DCAF6: variants seen among roughly 807,000 people sequenced by gnomAD.
DCAF6 encodes the protein DDB1 and CUL4 associated factor 6, also known as DDB1- and CUL4-associated factor 6.
Under a neutral mutation model 125.1 loss-of-function variants are expected in DCAF6, and 54 were observed. That is an observed-to-expected ratio of 0.43 (90% CI 0.35 to 0.54). The LOEUF is 0.54. DCAF6 is among the 20% of genes least tolerant of loss of function. The pLI is 0.01. For synonymous variants in DCAF6, 371 were observed against 390.4 expected (o/e 0.95, Z 0.58); for missense variants, 934 against 1,161.7 (o/e 0.80, Z 2.85).
Position 167,943,514 on chromosome 1 carries a change from T to C in DCAF6, c.97+6506T>C, listed in dbSNP as rs113677573. ...AATGCTATTTTAGATGATATTTTTA[T>C]TTATTTTTACTTTTTATTTGTACAA... On this transcript the variant is annotated intron_variant, in intron 1 of 21. Coordinates refer to ENST00000367840, the MANE Select transcript of DCAF6 (RefSeq NM_001198956.2). Among the ~76,000 whole-genome samples the C allele has an allele frequency of 5.7e-3, 868 of 152,348 alleles. 6 individuals are homozygous for C. Among genetic ancestry groups the C allele is most frequent in the African/African-American group, 0.02 (822 of 41,582 alleles).
intron 10 of DCAF6, among the ~76,000 whole-genome samples, chr1:168,008,218 C>T (rs566583858): frequency 6.6e-6 from 1 of 152,166 alleles, no homozygotes; most frequent in African/African-American, 2.4e-5. Context: ...GTCCATCCGC[C>T]TCGGCCTCCC....
intron 10 of DCAF6, among the ~76,000 whole-genome samples, chr1:168,007,511 A>G (rs1198125631): frequency 6.6e-6 from 1 of 151,652 alleles, no homozygotes; most frequent in East Asian, 1.9e-4. Flanking sequence ...TTTTCCTCTG[A>G]AACTTTTAAT....
chr1:168,056,607 A>C (rs1445839294), intron 17 of DCAF6, among the ~76,000 whole-genome samples: 2 of 152,240 alleles, frequency 1.3e-5, no homozygotes, highest in Non-Finnish European at 2.9e-5. Flanking sequence ...CTGATACTCT[A>C]CAATGTGGTC....
intron 2 of DCAF6, among the ~76,000 whole-genome samples, chr1:167,965,887 G>C (rs2102824800): frequency 6.6e-6 from 1 of 152,224 alleles, no homozygotes; most frequent in Non-Finnish European, 1.5e-5. Flanking sequence ...CACCCGCTTT[G>C]GCCTCCCAAA....
intron 10 of DCAF6, among the ~76,000 whole-genome samples, chr1:168,013,106 A>T (rs534638208): frequency 6.6e-6 from 1 of 152,184 alleles, no homozygotes; most frequent in African/African-American, 2.4e-5. Context: ...GCTTTATTTT[A>T]TATTGCTAAA....
At chr1:168,075,070 A>ATG (rs1055249533) in intron 21 of DCAF6, among the ~76,000 whole-genome samples, 1 of 152,202 alleles carries the variant, frequency 6.6e-6, no homozygotes, top group African/African-American at 2.4e-5. Flanking sequence ...GCAGCACCTG[A>ATG]TGTACCTCCT....
the DCAF6 span, among the ~76,000 whole-genome samples, chr1:167,901,373 A>G: frequency 6.6e-6 from 1 of 152,230 alleles, no homozygotes; most frequent in Admixed American, 6.5e-5. Context: ...TAACAGCAGT[A>G]GCAGTCATAA....
intron 4 of DCAF6, among the ~76,000 whole-genome samples, chr1:167,978,093 G>T (rs1469243144): frequency 6.6e-6 from 1 of 151,948 alleles, no homozygotes. Flanking sequence ...ACTATAATTT[G>T]CCCATTTTAT....
chr1:167,963,252 A>C (rs1446942229), intron 2 of DCAF6, among the ~76,000 whole-genome samples: 2 of 151,910 alleles, frequency 1.3e-5, no homozygotes, highest in African/African-American at 4.8e-5. Context: ...CAAAAGCGTG[A>C]AACTCTGTCT....
chr1:167,902,165 G>C, the DCAF6 span: 2 of 1,076,046 alleles, frequency 1.9e-6, no homozygotes, highest in South Asian at 2.6e-5. Context: ...GTGATTCAGA[G>C]AATAGGCTTA....
chr1:168,004,031 A>G (rs1682999294), intron 9 of DCAF6, 42 bp downstream of exon 9: 1 of 1,596,546 alleles, frequency 6.3e-7, no homozygotes, highest in African/African-American at 1.3e-5. Context: ...AAGCTGGCAA[A>G]AACTACTTAT....
chr1:168,004,485 T>G, intron 9 of DCAF6, 48 bp from the exon 10 acceptor site: 1 of 1,590,186 alleles, frequency 6.3e-7, no homozygotes, highest in Non-Finnish European at 8.6e-7. Context: ...AGTTGTTGGT[T>G]TTAGAAAATA....
the DCAF6 span, chr1:167,875,175 A>G: frequency 3.2e-3 from 5,142 of 1,614,192 alleles, 8 homozygotes; most frequent in Non-Finnish European, 4.1e-3. Context: ...GAGGCACGCC[A>G]TACCAAACAT....
the DCAF6 span, among the ~76,000 whole-genome samples, chr1:167,894,922 C>T: frequency 6.6e-6 from 1 of 152,150 alleles, no homozygotes; most frequent in Admixed American, 6.5e-5. Flanking sequence ...CGGTGGCTCA[C>T]ACCTGTAATC....
At chr1:167,900,988 C>A in the DCAF6 span, among the ~76,000 whole-genome samples, 1 of 152,148 alleles carries the variant, frequency 6.6e-6, no homozygotes, top group African/African-American at 2.4e-5. Flanking sequence ...ACCAACAGCA[C>A]CAACCATAAC....
chr1:168,044,787 T>G, intron 15 of DCAF6, 113 bp from the exon 16 acceptor site: 1 of 1,419,252 alleles, frequency 7.0e-7, no homozygotes, highest in Non-Finnish European at 9.8e-7. Flanking sequence ...TTTCCTCCCC[T>G]TATAGAGGAA....
At chr1:167,911,089 A>G in the DCAF6 span, among the ~76,000 whole-genome samples, 13 of 152,188 alleles carry the variant, frequency 8.5e-5, no homozygotes, top group Admixed American at 4.6e-4. Context: ...GTTGCTCAGG[A>G]TCAACTAGGA....
chr1:168,056,494 C>T (rs201119096), intron 17 of DCAF6: 2 of 712,596 alleles, frequency 2.8e-6, no homozygotes, highest in Non-Finnish European at 3.6e-6. Flanking sequence ...GGGGAGGGGC[C>T]CAGGCTTAAG....
At chr1:168,065,546 A>G (rs1384966526) in intron 18 of DCAF6, 44 bp from the exon 19 acceptor site, 6 of 1,362,268 alleles carry the variant, frequency 4.4e-6, no homozygotes, top group Admixed American at 2.3e-5. Context: ...CTTTGTTTTA[A>G]TAACTTTGAT....
Sources: gnomAD v4.1 joint callset for allele counts (sites outside exome capture counted in the v4.1 genomes callset) on GRCh38, gnomAD v4.1.1 for gene constraint, MANE v1.5 for transcripts, NCBI Gene and HGNC (gene_info 2026-07-23, HGNC 2026-07-21) for gene names.